SATL1: variants seen among roughly 807,000 people sequenced by gnomAD.
SATL1 encodes spermidine/spermine N(1)-acetyltransferase-like protein 1.
SATL1 carries 47 observed loss-of-function variants against 51.8 expected under a neutral mutation model. The ratio of observed to expected loss-of-function variants is 0.91; its 90% CI spans 0.72 to 1.16. The LOEUF (loss-of-function observed/expected upper bound fraction) is 1.16. Among genes scored for constraint, SATL1 ranks in the 50% most tolerant of loss-of-function variants. The pLI is 0.00. For missense variants in SATL1, 520 were observed against 526.4 expected, an observed-to-expected ratio of 0.99 and a Z score of 0.12; for synonymous variants, 176 against 182.4, an observed-to-expected ratio of 0.97 and a Z score of 0.28.
rs138497380 is a variant in SATL1, at chrX:85,132,032, A to G, written c.-312-22752T>C. ...CCGAGAGATCTGCTGTTAGTCTGAT[A>G]GGCTTCCCTTTGTGGGTAACCTGAC... On this transcript the variant is annotated intron_variant, in intron 2 of 7. Transcript: ENST00000644105. 6.8e-4 allele frequency among the ~76,000 whole-genome samples: 76 copies of G among 111,146 alleles called. No homozygotes were observed. The East Asian group carries it at 8.2e-3, about 12-fold the overall frequency.
chrX:85,233,247 ATGG>A (rs1569251824), intron 1 of SATL1, among the ~76,000 whole-genome samples: 1 of 112,305 alleles, frequency 8.9e-6, no homozygotes, highest in Non-Finnish European at 1.9e-5. Context: ...TAATGAAGAT[ATGG>A]CTGCAGTGAA....
intron 2 of SATL1, among the ~76,000 whole-genome samples, chrX:85,166,930 T>A (rs1926847911): frequency 1.1e-5 from 1 of 89,162 alleles, no homozygotes; most frequent in Admixed American, 1.2e-4. Context: ...TATATATATA[T>A]ATATATGTGT....
intron 2 of SATL1, among the ~76,000 whole-genome samples, chrX:85,203,856 C>T (rs1451683596): frequency 8.9e-6 from 1 of 112,512 alleles, no homozygotes; most frequent in African/African-American, 3.2e-5. Context: ...TCTTATCTTG[C>T]GTAGTGCCGT....
intron 2 of SATL1, among the ~76,000 whole-genome samples, chrX:85,143,706 A>G (rs1224812828): frequency 9.0e-6 from 1 of 111,368 alleles, no homozygotes; most frequent in Non-Finnish European, 1.9e-5. Context: ...GAAGAGATAA[A>G]TAATTATTTC....
At chrX:85,100,553 A>C (rs975880877) in intron 4 of SATL1, among the ~76,000 whole-genome samples, 1 of 112,257 alleles carries the variant, frequency 8.9e-6, no homozygotes. Flanking sequence ...AAAATATCCA[A>C]AGAAATTAAA....
At chrX:85,103,599 T>C (rs1378443514) in intron 4 of SATL1, among the ~76,000 whole-genome samples, 1 of 112,003 alleles carries the variant, frequency 8.9e-6, no homozygotes, top group South Asian at 3.7e-4. Context: ...TTATACTTTT[T>C]TGACCAGTAA....
chrX:85,235,656 A>T (rs1928466071), intron 1 of SATL1, among the ~76,000 whole-genome samples: 1 of 111,035 alleles, frequency 9.0e-6, no homozygotes, highest in Non-Finnish European at 1.9e-5. Context: ...TGGAAACACG[A>T]TATACCAAAA....
At chrX:85,236,715 G>C in intron 1 of SATL1, among the ~76,000 whole-genome samples, 2 of 111,552 alleles carry the variant, frequency 1.8e-5, no homozygotes, top group Non-Finnish European at 3.8e-5. Flanking sequence ...ACACATGACA[G>C]ACTCACAGCT....
At chrX:85,207,720 A>G (rs1477045551) in intron 2 of SATL1, 4 of 111,561 alleles carry the variant, frequency 3.6e-5, no homozygotes, top group Admixed American at 9.6e-5. Context: ...TGCCTATACA[A>G]TACTCAAAAG....
chrX:85,193,978 GT>G (rs1442389021), intron 2 of SATL1, among the ~76,000 whole-genome samples: 1 of 111,452 alleles, frequency 9.0e-6, no homozygotes, highest in Admixed American at 9.6e-5. Flanking sequence ...TGCAATAAAC[GT>G]TTGTGTGCAT....
intron 2 of SATL1, among the ~76,000 whole-genome samples, chrX:85,192,230 C>A (rs1179604905): frequency 8.9e-6 from 1 of 111,823 alleles, no homozygotes; most frequent in Non-Finnish European, 1.9e-5. Flanking sequence ...CATGGTGGAT[C>A]CAGCATGACC....
chrX:85,182,133 T>C (rs1424052602), intron 2 of SATL1, among the ~76,000 whole-genome samples: 2 of 111,481 alleles, frequency 1.8e-5, no homozygotes, highest in Non-Finnish European at 3.8e-5. Context: ...TTTGAAACTA[T>C]ATATTGTTGT....
At chrX:85,100,751 A>G (rs1924871496) in intron 4 of SATL1, among the ~76,000 whole-genome samples, 2 of 111,726 alleles carry the variant, frequency 1.8e-5, no homozygotes, top group Non-Finnish European at 3.8e-5. Context: ...AGCCAAAACA[A>G]TCTTGAAAAC....
chrX:85,108,905 G>A lies in SATL1; in HGVS notation c.64C>T (p.Pro22Ser). ...TTCATACCAAGTGAGTTTGTGCTTG[G>A]CTGGTTTATGCCTGCTTGGTTCGAG... is the stretch of plus-strand genomic sequence containing the variant. Reference protein sequence around the residue: ...SDSNQAGINQPSTNSLGMNQM... With the variant: ...SDSNQAGINQSSTNSLGMNQM... The change falls in exon 3 of 8, where the codon CCA becomes TCA. Residue 22 changes from proline (P) to serine (S), a missense_variant. Physicochemically the swap from Pro to Ser is moderately conservative, Grantham distance 74. Transcript: ENST00000644105. The A allele has an allele frequency of 8.3e-7, 1 of 1,209,352 alleles. No individual in the cohort carries two copies. The highest frequency in any genetic ancestry group is 2.2e-5 in the Admixed American group (1 of 45,693).
At chrX:85,166,188 C>CA (rs1273442058) in intron 2 of SATL1, among the ~76,000 whole-genome samples, 1 of 111,005 alleles carries the variant, frequency 9.0e-6, no homozygotes, top group Non-Finnish European at 1.9e-5. Flanking sequence ...AAGATAACAC[C>CA]AAAAAAGCTC....
intron 2 of SATL1, among the ~76,000 whole-genome samples, chrX:85,194,996 C>T (rs765864228): frequency 7.5e-5 from 8 of 107,350 alleles, no homozygotes; most frequent in Non-Finnish European, 1.1e-4. Context: ...ACATTCTGCA[C>T]ATGTACCCCA....
intron 2 of SATL1, among the ~76,000 whole-genome samples, chrX:85,218,670 ACAGTACTAACATT>A (rs1569249394): frequency 1.8e-5 from 2 of 112,040 alleles, no homozygotes; most frequent in Non-Finnish European, 3.8e-5. Flanking sequence ...TTGTGTTAGT[ACAGTACTAACATT>A]CACAATTGTG....
intron 1 of SATL1, among the ~76,000 whole-genome samples, chrX:85,242,124 G>C (rs777827565): frequency 2.7e-5 from 3 of 112,000 alleles, no homozygotes; most frequent in African/African-American, 9.7e-5. Context: ...AAAGAGGGAA[G>C]AGCAGGATGG....
intron 2 of SATL1, among the ~76,000 whole-genome samples, chrX:85,130,643 T>C (rs761084966): frequency 6.3e-5 from 7 of 111,788 alleles, no homozygotes; most frequent in Non-Finnish European, 9.4e-5. Flanking sequence ...TGTCTCTATC[T>C]CCTTCTGTTC....
Sources: allele counts gnomAD v4.1 joint callset (sites outside exome capture counted in the v4.1 genomes callset), GRCh38; gene constraint gnomAD v4.1.1; transcripts MANE v1.5; gene names NCBI Gene and HGNC (gene_info 2026-07-23, HGNC 2026-07-21).